The following MAPKBP1 variants were observed in gnomAD, a reference collection of about 807,000 sequenced individuals.
MAPKBP1 encodes mitogen-activated protein kinase-binding protein 1.
Under a neutral mutation model 170.5 loss-of-function variants are expected in MAPKBP1, and 71 were observed. That is an observed-to-expected ratio of 0.42 (90% CI 0.34 to 0.51). The LOEUF (loss-of-function observed/expected upper bound fraction) is 0.51. Among genes scored for constraint, MAPKBP1 ranks in the 20% least tolerant of loss-of-function variants. The probability of loss-of-function intolerance (pLI) is 0.06; values close to 1 mark genes in which losing one functional copy is unlikely to be tolerated. For missense variants in MAPKBP1, 1,598 were observed against 1,933.0 expected (o/e 0.83, Z 3.25); for synonymous variants, 719 against 757.9 (o/e 0.95, Z 0.84).
chr15:41,802,444 C>A (rs2064612575), intron 3 of MAPKBP1, among the ~76,000 whole-genome samples: 1 of 152,102 alleles, frequency 6.6e-6, no homozygotes, highest in Non-Finnish European at 1.5e-5. Context: ...GCTTAAAACA[C>A]AAACACAGTA....
Position 41,823,820 on chromosome 15 carries a change from C to T in MAPKBP1, c.3972C>T (p.Phe1324=), listed in dbSNP as rs750991326. The change falls in exon 29 of 31, where the codon TTC becomes TTT. Residue 1324 remains phenylalanine (F), a synonymous_variant. Coordinates refer to ENST00000457542, the MANE Select transcript of MAPKBP1 (RefSeq NM_014994.3). ...RAPGEAEKPG[F]PVGLGKAHST... ...CTGGCGAGGCAGAAAAGCCTGGCTT[C>T]CCGGTGGGCCTAGGAAAAGCTCACA... is the stretch of plus-strand genomic sequence containing the variant. The T allele has an allele frequency of 3.1e-6, 5 of 1,614,210 alleles. No homozygotes were observed. Among genetic ancestry groups the T allele is most frequent in the Non-Finnish European group, 3.4e-6 (4 of 1,180,030 alleles).
chr15:41,793,895 A>G (rs908215664), intron 2 of MAPKBP1, among the ~76,000 whole-genome samples: 2 of 152,178 alleles, frequency 1.3e-5, no homozygotes, highest in Non-Finnish European at 2.9e-5. Context: ...AATTATACAA[A>G]TATGTAGCTG....
At chr15:41,776,248 G>T (rs1262127446) in intron 2 of MAPKBP1, among the ~76,000 whole-genome samples, 2 of 152,212 alleles carry the variant, frequency 1.3e-5, no homozygotes, top group Non-Finnish European at 2.9e-5. Flanking sequence ...GGGTTGTGAG[G>T]TACAAGGTTG....
intron 30 of MAPKBP1, 43 bp from the exon 31 acceptor site, chr15:41,825,166 G>A (rs181510498): frequency 1.4e-4 from 208 of 1,511,210 alleles, no homozygotes; most frequent in Admixed American, 9.4e-4. Flanking sequence ...TTATATGTCT[G>A]TTGACAGGCT....
chr15:41,778,104 G>A lies in MAPKBP1; in HGVS notation c.114+2715G>A, dbSNP rs1201335691. On this transcript the variant is annotated intron_variant, in intron 2 of 30. Transcript: ENST00000457542. ...TGTATGTCTTCATTTCCTAAGGATCGGGGTCATGCTCTTTATTTCCTTTAC... is the reference window on the plus strand; with the variant it reads ...TGTATGTCTTCATTTCCTAAGGATCAGGGTCATGCTCTTTATTTCCTTTAC... Among the ~76,000 whole-genome samples, 7 of 152,102 alleles carry A rather than the reference G, an allele frequency of 4.6e-5. 1 individual carries two copies. Among genetic ancestry groups the A allele is most frequent in the Admixed American group, 2.0e-4 (3 of 15,270 alleles).
Position 41,824,475 on chromosome 15 carries a change from CTCTT to C in MAPKBP1, c.4214-6_4214-3del. On this transcript the variant is annotated splice_polypyrimidine_tract_variant and splice_region_variant and intron_variant, in intron 29 of 30. Transcript: ENST00000457542. ...CTGGGCCTCACTGAGCTGTATCCGTCTCTTTCAGAGCCAGCGGTGAGCCTGGAGC... is the reference window on the plus strand; with the variant it reads ...CTGGGCCTCACTGAGCTGTATCCGTCTCAGAGCCAGCGGTGAGCCTGGAGC... The C allele has an allele frequency of 3.8e-6, 6 of 1,584,464 alleles. No homozygotes were observed. Among genetic ancestry groups the C allele is most frequent in the Non-Finnish European group, 5.2e-6 (6 of 1,164,996 alleles).
At chr15:41,819,554 G>GTGGGGA in intron 21 of MAPKBP1, 41 bp from the exon 22 acceptor site, 1 of 1,495,298 alleles carries the variant, frequency 6.7e-7, no homozygotes. Flanking sequence ...TGGCGGGGGG[G>GTGGGGA]GGGCAGGAGA....
rs2064986958 is a variant in MAPKBP1, at chr15:41,820,996, CTCGCTGGCCA to C, written c.2649_2658del (p.Leu884SerfsTer177). The C allele has an allele frequency of 1.9e-6, 3 of 1,614,066 alleles. No homozygotes were observed. The highest frequency in any genetic ancestry group is 2.5e-6 in the Non-Finnish European group (3 of 1,180,026). On this transcript the variant is annotated frameshift_variant, in exon 23 of 31. Coordinates refer to ENST00000457542, the MANE Select transcript of MAPKBP1 (RefSeq NM_014994.3). LOFTEE classifies it high-confidence loss of function. ...CAAGCCTGCAGGACCCTAGCCAGGA[CTCGCTGGCCA>C]TCATCCCATCTGGTCCCAGGAAGCA...
At chr15:41,800,655 T>C (rs954695190) in intron 3 of MAPKBP1, among the ~76,000 whole-genome samples, 1 of 149,838 alleles carries the variant, frequency 6.7e-6, no homozygotes, top group Non-Finnish European at 1.5e-5. Context: ...CAGTCACTTT[T>C]CATTCCCACC....
At chr15:41,816,496 G>C in intron 12 of MAPKBP1, 63 bp from the exon 13 acceptor site, 2 of 1,099,974 alleles carry the variant, frequency 1.8e-6, no homozygotes, top group Non-Finnish European at 2.8e-6. Context: ...TAGCAGAGGA[G>C]GGGGCGTGAG....
Position 41,823,566 on chromosome 15 carries a change from T to A in MAPKBP1, c.3718T>A (p.Ser1240Thr), listed in dbSNP as rs776633722. The change falls in exon 29 of 31, where the codon TCC (serine) becomes ACC (threonine). Residue 1240 changes from serine (S) to threonine (T), a missense_variant. Physicochemically the swap from Ser to Thr is moderately conservative, Grantham distance 58. Around this residue, in one of 6 missense-constraint regions of MAPKBP1, gnomAD observed 942 missense variants for 953.2 expected, o/e 0.99. Transcript: ENST00000457542. ...TGATGGCCGTCCGTCTCGGCCTCAC[T>A]CCTATCAGAACCCCACCACCAGTTC... Reference protein sequence around the residue: ...PADGRPSRPHSYQNPTTSSMA... With the variant: ...PADGRPSRPHTYQNPTTSSMA... 1.2e-6 allele frequency: 2 copies of A among 1,614,102 alleles called. No individual in the cohort carries two copies. Among genetic ancestry groups the A allele is most frequent in the East Asian group, 4.5e-5 (2 of 44,876 alleles).
intron 2 of MAPKBP1, among the ~76,000 whole-genome samples, chr15:41,783,461 A>G (rs1222639134): frequency 1.3e-5 from 2 of 152,154 alleles, no homozygotes; most frequent in Non-Finnish European, 2.9e-5. Flanking sequence ...GCCTGACTCC[A>G]TGTGGCCATG....
chr15:41,801,586 G>C (rs188294800), intron 3 of MAPKBP1, among the ~76,000 whole-genome samples: 22 of 152,158 alleles, frequency 1.4e-4, no homozygotes, highest in African/African-American at 5.3e-4. Context: ...GGTGGCTCAC[G>C]CCTATAATCC....
chr15:41,802,166 A>C (rs2064606434), intron 3 of MAPKBP1, among the ~76,000 whole-genome samples: 1 of 152,214 alleles, frequency 6.6e-6, no homozygotes, highest in Non-Finnish European at 1.5e-5. Context: ...CATATAAAAT[A>C]TATTTTAAAA....
chr15:41,780,332 C>G (rs1105881), intron 2 of MAPKBP1, among the ~76,000 whole-genome samples: 44,027 of 152,114 alleles, frequency 0.29, 7,675 homozygotes, highest in Admixed American at 0.38. Flanking sequence ...ACATCTGTAA[C>G]CTCCCCACCA....
chr15:41,815,891 G>A, intron 12 of MAPKBP1, 92 bp downstream of exon 12: 1 of 1,324,500 alleles, frequency 7.6e-7, no homozygotes, highest in Non-Finnish European at 1.0e-6. Flanking sequence ...CAAAAAGATT[G>A]GGCAACAAGA....
Position 41,818,883 on chromosome 15 carries a change from C to A in MAPKBP1, c.2217C>A (p.Ala739=), listed in dbSNP as rs751957092. Residue 739 remains alanine, a synonymous_variant, in exon 20 of 31, where the codon GCC becomes GCA. Transcript: ENST00000457542. The surrounding 1 kb of genome is among the most constrained non-coding windows in gnomAD (Gnocchi z 5.2). Reference sequence around the variant, plus strand: ...CCATCAGCATGAGGCAGCGTCTGGCCGAGTTGCGCCAGCGTCAGCGGGGCG... The same window carrying A: ...CCATCAGCATGAGGCAGCGTCTGGCAGAGTTGCGCCAGCGTCAGCGGGGCG... ...EMTISMRQRL[A]ELRQRQRGGK... 1 of 1,614,098 alleles carries A rather than the reference C, an allele frequency of 6.2e-7. No homozygotes were observed. Among genetic ancestry groups the A allele is most frequent in the Non-Finnish European group, 8.5e-7 (1 of 1,180,042 alleles).
rs2064818523 is a variant in MAPKBP1, at chr15:41,812,190, A to C, written c.498+63A>C. On this transcript the variant is annotated intron_variant, in intron 6 of 30. Transcript: ENST00000457542. ...GGGTCAAGTGTCAGCTGGGGAGGCA[A>C]GAGACTGCTGACCTGCACTGCTCCA... The C allele has an allele frequency of 1.9e-6, 3 of 1,587,736 alleles. No homozygotes were observed. The Admixed American group carries it at 5.0e-5, about 27-fold the overall frequency.
At chr15:41,798,507 T>C (rs778683546) in intron 2 of MAPKBP1, among the ~76,000 whole-genome samples, 15 of 151,996 alleles carry the variant, frequency 9.9e-5, no homozygotes, top group Non-Finnish European at 1.8e-4. Flanking sequence ...GGTCTCAAAC[T>C]TCTGACCTCA....
Sources: allele counts gnomAD v4.1 joint callset (sites outside exome capture counted in the v4.1 genomes callset), GRCh38; gene constraint gnomAD v4.1.1; regional missense constraint gnomAD v4.1.1; non-coding constraint Gnocchi (gnomAD v3.1); transcripts MANE v1.5; gene names NCBI Gene and HGNC (gene_info 2026-07-23, HGNC 2026-07-21).